Variants in PPARG observed in about 807,000 individuals in gnomAD.
PPARG encodes the protein peroxisome proliferator activated receptor gamma.
Under a neutral mutation model 39.2 loss-of-function variants are expected in PPARG, and 17 were observed. The observed-to-expected ratio is 0.43, with a 90% CI of 0.30 to 0.65. PPARG has a LOEUF of 0.65. Ranked by LOEUF, PPARG falls within the 30% of genes least tolerant of loss-of-function variation. The pLI, the probability that PPARG is intolerant of heterozygous loss-of-function variation, is 0.13. For synonymous variants in PPARG, 223 were observed against 215.7 expected (o/e 1.03, Z -0.30); for missense variants, 406 against 585.9 (o/e 0.69, Z 3.17).
chr3:12,316,730 T>TA (rs1559491099), intron 2 of PPARG, among the ~76,000 whole-genome samples: 5 of 151,776 alleles, frequency 3.3e-5, no homozygotes, highest in South Asian at 2.1e-4. Context: ...CTTTTTTTTT[T>TA]TAAAAAATCT....
intron 6 of PPARG, among the ~76,000 whole-genome samples, chr3:12,412,128 A>G (rs1325115599): frequency 6.6e-6 from 1 of 152,186 alleles, no homozygotes; most frequent in African/African-American, 2.4e-5. Context: ...AGTGATTTTC[A>G]TGTTTATCTC....
intron 7 of PPARG, among the ~76,000 whole-genome samples, chr3:12,425,098 C>T (rs1406887371): frequency 1.3e-5 from 2 of 152,114 alleles, no homozygotes; most frequent in African/African-American, 2.4e-5. Flanking sequence ...TATCAACTAT[C>T]GCTTTAAGGG....
intron 1 of PPARG, among the ~76,000 whole-genome samples, chr3:12,309,169 C>G (rs184526040): frequency 3.5e-3 from 534 of 152,204 alleles, no homozygotes; most frequent in Non-Finnish European, 6.2e-3. Context: ...AAATGCTGCT[C>G]TTGTATTTCA....
At chr3:12,419,555 G>A (rs1425801315) in intron 7 of PPARG, among the ~76,000 whole-genome samples, 1 of 150,862 alleles carries the variant, frequency 6.6e-6, no homozygotes, top group Non-Finnish European at 1.5e-5. Flanking sequence ...CGGGTTTTCC[G>A]CCTCCCGGGT....
intron 2 of PPARG, among the ~76,000 whole-genome samples, chr3:12,313,430 A>C (rs957427031): frequency 4.6e-5 from 7 of 152,050 alleles, no homozygotes; most frequent in Non-Finnish European, 4.4e-5. Flanking sequence ...CAGATTCCAA[A>C]CTTTTTGGGC....
At chr3:12,339,599 T>G (rs2048117098) in intron 2 of PPARG, among the ~76,000 whole-genome samples, 1 of 152,194 alleles carries the variant, frequency 6.6e-6, no homozygotes. Flanking sequence ...ATACTTTTAG[T>G]GGAACCAAAG....
intron 2 of PPARG, among the ~76,000 whole-genome samples, chr3:12,314,616 C>T (rs2047338912): frequency 1.3e-5 from 2 of 152,082 alleles, no homozygotes; most frequent in African/African-American, 4.8e-5. Context: ...TGACCCTCGC[C>T]GTTCAACAGT....
Position 12,434,207 on chromosome 3 carries a change from A to G in PPARG, c.*62A>G. The G allele has an allele frequency of 3.7e-6, 6 of 1,605,524 alleles. No individual in the cohort carries two copies. Among genetic ancestry groups the G allele is most frequent in the Middle Eastern group, 3.3e-4 (2 of 6,042 alleles). Reference sequence around the variant, plus strand: ...TCCAGTTGCACTATTCTGAGGGAAAATCTGACACCTAAGAAATTTACTGTG... The same window carrying G: ...TCCAGTTGCACTATTCTGAGGGAAAGTCTGACACCTAAGAAATTTACTGTG... On this transcript the variant is annotated 3_prime_UTR_variant, in exon 8 of 8. Coordinates refer to ENST00000651735, the MANE Select transcript of PPARG (RefSeq NM_138711.6). The surrounding 1 kb of genome is among the most constrained non-coding windows in gnomAD (Gnocchi z 4.2).
At chr3:12,420,681 AT>A (rs1019675666) in intron 7 of PPARG, among the ~76,000 whole-genome samples, 10 of 152,168 alleles carry the variant, frequency 6.6e-5, no homozygotes, top group Admixed American at 5.9e-4. Context: ...CAAAGAGGAG[AT>A]TTTTAGATGA....
intron 7 of PPARG, among the ~76,000 whole-genome samples, chr3:12,419,997 G>A (rs1230110909): frequency 6.6e-6 from 1 of 152,182 alleles, no homozygotes; most frequent in Middle Eastern, 3.2e-3. Flanking sequence ...AAAGGTATAA[G>A]TGAAAAGTAA....
At chr3:12,318,405 T>G (rs1244426950) in intron 2 of PPARG, among the ~76,000 whole-genome samples, 1 of 152,206 alleles carries the variant, frequency 6.6e-6, no homozygotes, top group African/African-American at 2.4e-5. Context: ...AAATGCAGAT[T>G]TAACAAAGTA....
At chr3:12,377,518 A>G (rs952238129) in intron 2 of PPARG, among the ~76,000 whole-genome samples, 1 of 152,170 alleles carries the variant, frequency 6.6e-6, no homozygotes, top group Non-Finnish European at 1.5e-5. Context: ...TTTTCCCTTT[A>G]AAATTTTTTT....
chr3:12,406,814 T>A (rs577633245), intron 6 of PPARG: 1 of 152,326 alleles, frequency 6.6e-6, no homozygotes, highest in South Asian at 2.1e-4. Context: ...CTAGATATTA[T>A]GTTACCTTTC....
At chr3:12,292,139 T>C (rs2046664306) in intron 1 of PPARG, among the ~76,000 whole-genome samples, 1 of 152,218 alleles carries the variant, frequency 6.6e-6, no homozygotes, top group African/African-American at 2.4e-5. Flanking sequence ...TTATAAACTG[T>C]TTCTGGGAAT....
chr3:12,374,151 C>A (rs1360186510), intron 2 of PPARG, among the ~76,000 whole-genome samples: 1 of 152,158 alleles, frequency 6.6e-6, no homozygotes, highest in Non-Finnish European at 1.5e-5. Flanking sequence ...GCTTTTCCAC[C>A]AGTATGCCCT....
intron 1 of PPARG, among the ~76,000 whole-genome samples, chr3:12,311,229 G>C (rs2047234446): frequency 6.6e-6 from 1 of 151,978 alleles, no homozygotes; most frequent in Non-Finnish European, 1.5e-5. Flanking sequence ...TCAGCCTCTT[G>C]AGTAGCTGGG....
At chr3:12,320,871 C>G (rs972495131) in intron 2 of PPARG, among the ~76,000 whole-genome samples, 5 of 151,988 alleles carry the variant, frequency 3.3e-5, no homozygotes, top group East Asian at 1.9e-4. Context: ...AGAGTGAGAC[C>G]CTGTCAAAGA....
At chr3:12,343,240 C>G (rs890706832) in intron 2 of PPARG, among the ~76,000 whole-genome samples, 1 of 152,178 alleles carries the variant, frequency 6.6e-6, no homozygotes, top group African/African-American at 2.4e-5. Context: ...TCACTCTTCT[C>G]TCTTGGTTGA....
chr3:12,314,559 CTA>C (rs1370893988), intron 2 of PPARG, among the ~76,000 whole-genome samples: 1 of 152,138 alleles, frequency 6.6e-6, no homozygotes, highest in Non-Finnish European at 1.5e-5. Context: ...TCTCATTTGA[CTA>C]TGAGAAAGCT....
Sources: gnomAD v4.1 joint callset for allele counts (sites outside exome capture counted in the v4.1 genomes callset) on GRCh38, gnomAD v4.1.1 for gene constraint, Gnocchi (gnomAD v3.1) non-coding constraint, MANE v1.5 for transcripts, NCBI Gene and HGNC (gene_info 2026-07-23, HGNC 2026-07-21) for gene names.